The following CNTNAP2 variants were observed in gnomAD, a reference collection of about 807,000 sequenced individuals.
CNTNAP2 encodes the protein contactin associated protein 2.
CNTNAP2 carries 98 observed loss-of-function variants against 155.2 expected under a neutral mutation model. The observed-to-expected ratio is 0.63, with a 90% CI of 0.54 to 0.75. CNTNAP2 has a LOEUF of 0.75. CNTNAP2 is among the 30% of genes least tolerant of loss of function. The pLI is 0.00. For missense variants in CNTNAP2, 1,727 were observed against 1,688.1 expected (o/e 1.02, Z -0.40); for synonymous variants, 651 against 631.2 (o/e 1.03, Z -0.47).
chr7:147,414,125 T>C (rs1797147430), intron 10 of CNTNAP2, among the ~76,000 whole-genome samples: 3 of 152,166 alleles, frequency 2.0e-5, no homozygotes. Flanking sequence ...AATCACTCAC[T>C]GTGTCTATGC....
chr7:147,402,002 G>C (rs932683771), intron 10 of CNTNAP2, among the ~76,000 whole-genome samples: 12 of 152,206 alleles, frequency 7.9e-5, no homozygotes, highest in African/African-American at 2.7e-4. Flanking sequence ...TCATAACTTA[G>C]ATGAAGAAAA....
intron 1 of CNTNAP2, among the ~76,000 whole-genome samples, chr7:146,304,977 C>CT (rs1477813946): frequency 2.0e-5 from 3 of 152,022 alleles, no homozygotes; most frequent in Non-Finnish European, 2.9e-5. Flanking sequence ...TCTTTTTACT[C>CT]TTTTTTTCTC....
At chr7:146,131,291 C>T (rs749459244) in intron 1 of CNTNAP2, among the ~76,000 whole-genome samples, 15 of 152,184 alleles carry the variant, frequency 9.9e-5, no homozygotes, top group South Asian at 4.1e-4. Flanking sequence ...ATTGAGATAG[C>T]GACTGAGGTT....
chr7:146,601,141 A>G (rs1258187685), intron 1 of CNTNAP2, among the ~76,000 whole-genome samples: 1 of 152,124 alleles, frequency 6.6e-6, no homozygotes, highest in African/African-American at 2.4e-5. Flanking sequence ...TATGATAAAT[A>G]CTTACAGAGT....
chr7:148,257,485 A>T (rs1796475189), intron 20 of CNTNAP2, among the ~76,000 whole-genome samples: 1 of 152,166 alleles, frequency 6.6e-6, no homozygotes, highest in Non-Finnish European at 1.5e-5. Context: ...AAACAAATTA[A>T]GGTAGACAAC....
intron 1 of CNTNAP2, among the ~76,000 whole-genome samples, chr7:146,653,469 A>G (rs552925729): frequency 3.9e-4 from 60 of 152,314 alleles, no homozygotes; most frequent in Middle Eastern, 6.8e-3. Context: ...GAATGTCTCT[A>G]TGTTTAATAA....
At chr7:146,689,909 GT>G (rs201742051) in intron 1 of CNTNAP2, among the ~76,000 whole-genome samples, 2,290 of 151,992 alleles carry the variant, frequency 0.015, 33 homozygotes, top group Middle Eastern at 0.034. Flanking sequence ...TAAGGTTTCA[GT>G]TTTTCTCATA....
chr7:146,489,310 G>C (rs1161553719), intron 1 of CNTNAP2, among the ~76,000 whole-genome samples: 1 of 152,158 alleles, frequency 6.6e-6, no homozygotes, highest in East Asian at 1.9e-4. Flanking sequence ...TATTGAAAAT[G>C]AGTAGGAAAT....
chr7:146,579,067 G>T (rs1156459907), intron 1 of CNTNAP2, among the ~76,000 whole-genome samples: 1 of 151,854 alleles, frequency 6.6e-6, no homozygotes, highest in East Asian at 1.9e-4. Flanking sequence ...TTTTTGCTGG[G>T]AAAAAAGGTC....
intron 21 of CNTNAP2, among the ~76,000 whole-genome samples, chr7:148,370,684 G>T (rs900346089): frequency 6.6e-6 from 1 of 151,666 alleles, no homozygotes; most frequent in African/African-American, 2.4e-5. Context: ...CCACCAGCTG[G>T]AATGACATCC....
intron 10 of CNTNAP2, among the ~76,000 whole-genome samples, chr7:147,432,949 T>C (rs558242403): frequency 2.0e-4 from 31 of 152,192 alleles, no homozygotes; most frequent in Admixed American, 5.2e-4. Flanking sequence ...TCACACCCAA[T>C]AGCCTTTAAC....
At chr7:147,049,951 G>C (rs1314710310) in intron 4 of CNTNAP2, among the ~76,000 whole-genome samples, 1 of 152,096 alleles carries the variant, frequency 6.6e-6, no homozygotes, top group Non-Finnish European at 1.5e-5. Context: ...GGAGAATTTC[G>C]TTCCAGGCCA....
At chr7:147,375,067 G>T (rs1474523453) in intron 9 of CNTNAP2, among the ~76,000 whole-genome samples, 7 of 151,746 alleles carry the variant, frequency 4.6e-5, no homozygotes, top group Admixed American at 3.9e-4. Flanking sequence ...TTTCCTTCTT[G>T]CTCTCTCTCA....
intron 16 of CNTNAP2, among the ~76,000 whole-genome samples, 198 bp from the exon 17 acceptor site, chr7:148,147,293 C>A (rs1805201832): frequency 6.6e-6 from 1 of 152,114 alleles, no homozygotes; most frequent in South Asian, 2.1e-4. Flanking sequence ...CACATAGACC[C>A]CCCAAAACAC....
At chr7:148,351,633 C>T (rs1221591024) in intron 21 of CNTNAP2, among the ~76,000 whole-genome samples, 1 of 150,702 alleles carries the variant, frequency 6.6e-6, no homozygotes, top group East Asian at 2.0e-4. Flanking sequence ...ATCCCACCTA[C>T]TCAGGAGGCT....
chr7:146,775,827 G>A (rs1430727186), intron 2 of CNTNAP2, among the ~76,000 whole-genome samples: 3 of 151,994 alleles, frequency 2.0e-5, no homozygotes, highest in African/African-American at 7.2e-5. Flanking sequence ...CTATGAAGAG[G>A]TCTCAGTCAG....
At chr7:148,414,057 C>G (rs1799917719) in intron 23 of CNTNAP2, among the ~76,000 whole-genome samples, 2 of 151,352 alleles carry the variant, frequency 1.3e-5, no homozygotes, top group South Asian at 4.2e-4. Context: ...ATTATTTCAT[C>G]CAGTATTTTT....
intron 1 of CNTNAP2, among the ~76,000 whole-genome samples, chr7:146,591,426 G>GTA (rs370630572): frequency 7.9e-5 from 12 of 151,694 alleles, no homozygotes; most frequent in Non-Finnish European, 1.6e-4. Context: ...ATTGAGAAAT[G>GTA]TAAAATAATT....
chr7:146,433,598 T>C (rs1204260044), intron 1 of CNTNAP2, among the ~76,000 whole-genome samples: 1 of 152,190 alleles, frequency 6.6e-6, no homozygotes, highest in Admixed American at 6.5e-5. Context: ...AGAGTTCATC[T>C]ATATCATAGT....
Sources: allele counts gnomAD v4.1 joint callset (sites outside exome capture counted in the v4.1 genomes callset), GRCh38; gene constraint gnomAD v4.1.1; transcripts MANE v1.5; gene names NCBI Gene and HGNC (gene_info 2026-07-23, HGNC 2026-07-21).